Variants in EYA3 observed in about 807,000 individuals in gnomAD.
The protein encoded by EYA3 is protein phosphatase EYA3.
A neutral mutation model predicts 80.0 loss-of-function variants in EYA3; 39 were observed. The ratio of observed to expected loss-of-function variants is 0.49; its 90% CI spans 0.38 to 0.64. EYA3 has a LOEUF of 0.64. Among genes scored for constraint, EYA3 ranks in the 30% least tolerant of loss-of-function variants. EYA3 has a pLI of 0.00. For missense variants in EYA3, 523 were observed against 676.1 expected (o/e 0.77, Z 2.51); for synonymous variants, 206 against 232.8 (o/e 0.88, Z 1.05).
Position 28,013,040 on chromosome 1 carries a change from T to C in EYA3, c.769+71A>G, listed in dbSNP as rs751360786. ...GACTTAAGACAGAACAAAATCATCC[T>C]TACCATTGCCTAAAAACAACTGTTG... On this transcript the variant is annotated intron_variant, in intron 9 of 17. Transcript: ENST00000373871. This position sits in a 1 kb window ranked among gnomAD's most constrained non-coding sequence, Gnocchi z 4.0. The C allele has an allele frequency of 6.1e-6, 9 of 1,485,840 alleles. No individual in the cohort carries two copies. The highest frequency in any genetic ancestry group is 8.3e-6 in the Non-Finnish European group (9 of 1,090,866). 92.0% of individuals were successfully genotyped at this position (1,485,840 alleles called of 1,614,324 possible).
intron 12 of EYA3, 84 bp from the exon 13 acceptor site, chr1:27,997,462 C>T (rs1640540887): frequency 8.5e-7 from 1 of 1,181,490 alleles, no homozygotes; most frequent in Admixed American, 1.7e-5. Context: ...AGACCATATA[C>T]AGTGGCAGGA....
At chr1:28,075,620 A>G (rs1398580791) in intron 1 of EYA3, among the ~76,000 whole-genome samples, 2 of 152,220 alleles carry the variant, frequency 1.3e-5, no homozygotes, top group East Asian at 3.8e-4. Flanking sequence ...GCTAGAGGGA[A>G]AAGCACAAAT....
At chr1:28,081,910 C>T (rs1255069660) in intron 1 of EYA3, among the ~76,000 whole-genome samples, 1 of 152,062 alleles carries the variant, frequency 6.6e-6, no homozygotes, top group Non-Finnish European at 1.5e-5. Flanking sequence ...TTATCAGACC[C>T]ACATTGCTTT....
intron 1 of EYA3, among the ~76,000 whole-genome samples, chr1:28,072,749 T>G (rs930009512): frequency 6.6e-6 from 1 of 152,120 alleles, no homozygotes. Flanking sequence ...GTGAAAAGAA[T>G]ACTTATGTTC....
intron 1 of EYA3, among the ~76,000 whole-genome samples, chr1:28,079,056 A>G (rs1275615091): frequency 6.6e-6 from 1 of 152,236 alleles, no homozygotes; most frequent in Non-Finnish European, 1.5e-5. Context: ...CTTCTTCTTT[A>G]TCCTTTACCA....
At chr1:28,031,016 T>C (rs1300200068) in intron 6 of EYA3, among the ~76,000 whole-genome samples, 5 of 152,178 alleles carry the variant, frequency 3.3e-5, no homozygotes, top group Non-Finnish European at 5.9e-5. Context: ...TTTTACACTA[T>C]ATGAAAATAA....
At chr1:28,072,881 A>G (rs1038258212) in intron 1 of EYA3, among the ~76,000 whole-genome samples, 3 of 151,824 alleles carry the variant, frequency 2.0e-5, no homozygotes, top group Non-Finnish European at 4.4e-5. Flanking sequence ...TACCCATACA[A>G]TGGAATACTG....
At chr1:28,021,420 T>A (rs1409653539) in intron 7 of EYA3, among the ~76,000 whole-genome samples, 1 of 152,094 alleles carries the variant, frequency 6.6e-6, no homozygotes, top group Admixed American at 6.6e-5. Context: ...CTGTTATGTA[T>A]TTACTCACTT....
intron 1 of EYA3, among the ~76,000 whole-genome samples, chr1:28,068,824 T>C (rs1421114038): frequency 1.3e-5 from 2 of 152,116 alleles, no homozygotes; most frequent in African/African-American, 4.8e-5. Flanking sequence ...TGAGACAGGG[T>C]GGAGTACAGT....
At chr1:28,011,143 G>GCTATAACCCA in intron 9 of EYA3, 57 bp from the exon 10 acceptor site, 2 of 1,568,864 alleles carry the variant, frequency 1.3e-6, no homozygotes, top group South Asian at 2.4e-5. Flanking sequence ...AAGAATCAGG[G>GCTATAACCCA]CAGGAAGAGG....
At chr1:28,085,799 G>C (rs1488219317) in intron 1 of EYA3, among the ~76,000 whole-genome samples, 1 of 152,148 alleles carries the variant, frequency 6.6e-6, no homozygotes, top group African/African-American at 2.4e-5. Flanking sequence ...TGGTTTGGCA[G>C]CTAGGTGGAG....
chr1:28,056,616 TG>T (rs1644447690), intron 2 of EYA3, among the ~76,000 whole-genome samples: 1 of 152,250 alleles, frequency 6.6e-6, no homozygotes, highest in Admixed American at 6.5e-5. Context: ...GGTTTTAAAG[TG>T]CTTCAATTTC....
chr1:27,993,317 T>C, intron 14 of EYA3, 83 bp downstream of exon 14: 2 of 1,373,298 alleles, frequency 1.5e-6, no homozygotes, highest in South Asian at 1.3e-5. Flanking sequence ...GCAGTTGTCA[T>C]GGGGAATCTA....
chr1:28,024,966 C>A (rs924062990), intron 7 of EYA3, among the ~76,000 whole-genome samples: 1 of 152,236 alleles, frequency 6.6e-6, no homozygotes, highest in African/African-American at 2.4e-5. Context: ...TTCCCTAACT[C>A]CCCCAGGGAG....
chr1:28,006,434 C>A (rs1383642011), intron 10 of EYA3, among the ~76,000 whole-genome samples: 2 of 152,050 alleles, frequency 1.3e-5, no homozygotes, highest in Non-Finnish European at 2.9e-5. Context: ...TAGCCGGGCG[C>A]GGTGGCTCAC....
chr1:27,974,642 G>A, intron 17 of EYA3, 96 bp from the exon 18 acceptor site: 1 of 963,578 alleles, frequency 1.0e-6, no homozygotes. Context: ...CTCTCCCCAA[G>A]GTACATGGTA....
intron 1 of EYA3, among the ~76,000 whole-genome samples, chr1:28,070,174 G>T (rs977540284): frequency 1.3e-5 from 2 of 152,110 alleles, no homozygotes; most frequent in Non-Finnish European, 2.9e-5. Context: ...TGTTTGCTTG[G>T]TTTTGCTATT....
At chr1:28,054,003 C>T (rs1299396406) in intron 2 of EYA3, among the ~76,000 whole-genome samples, 2 of 152,096 alleles carry the variant, frequency 1.3e-5, no homozygotes, top group African/African-American at 4.8e-5. Context: ...GGGTAAAAGT[C>T]GTCATGGAGA....
chr1:28,038,964 GA>G, intron 4 of EYA3, 59 bp from the exon 5 acceptor site: 2 of 1,080,820 alleles, frequency 1.9e-6, no homozygotes, highest in East Asian at 2.4e-5. Flanking sequence ...AATGGAATGG[GA>G]AAACTGCACA....
Sources: allele counts gnomAD v4.1 joint callset (sites outside exome capture counted in the v4.1 genomes callset), GRCh38; gene constraint gnomAD v4.1.1; non-coding constraint Gnocchi (gnomAD v3.1); transcripts MANE v1.5; gene names NCBI Gene and HGNC (gene_info 2026-07-23, HGNC 2026-07-21).